Variants in RGS6 observed in about 807,000 individuals in gnomAD.
RGS6 encodes the protein regulator of G-protein signaling 6.
Under a neutral mutation model 78.5 loss-of-function variants are expected in RGS6, and 30 were observed. The observed-to-expected ratio is 0.38, with a 90% CI of 0.29 to 0.52. RGS6 has a LOEUF of 0.52. Ranked by LOEUF, RGS6 falls within the 20% of genes least tolerant of loss-of-function variation. The pLI is 0.85. For synonymous variants in RGS6, 206 were observed against 206.0 expected, an observed-to-expected ratio of 1.00 and a Z score of 0.00; for missense variants, 495 against 609.7, an observed-to-expected ratio of 0.81 and a Z score of 1.98.
chr14:72,204,420 G>T (rs1015052891), intron 2 of RGS6, among the ~76,000 whole-genome samples: 1 of 152,170 alleles, frequency 6.6e-6, no homozygotes, highest in South Asian at 2.1e-4. Flanking sequence ...TGCCATACAG[G>T]CTATGTGACC....
chr14:72,386,284 T>C (rs2087948817), intron 3 of RGS6, among the ~76,000 whole-genome samples: 3 of 152,166 alleles, frequency 2.0e-5, no homozygotes. Context: ...ACATCTGTAA[T>C]CCTAGCAATT....
At chr14:72,040,583 C>T (rs1374514394) in intron 2 of RGS6, among the ~76,000 whole-genome samples, 1 of 151,978 alleles carries the variant, frequency 6.6e-6, no homozygotes, top group Non-Finnish European at 1.5e-5. Context: ...TATAATGTGC[C>T]TCAGTTTAGG....
chr14:72,490,418 A>T (rs2072699848), intron 12 of RGS6, among the ~76,000 whole-genome samples: 1 of 152,212 alleles, frequency 6.6e-6, no homozygotes, highest in African/African-American at 2.4e-5. Context: ...GCATGAAAAC[A>T]AACTAATACA....
At chr14:72,361,074 A>G (rs995667378) in intron 3 of RGS6, among the ~76,000 whole-genome samples, 1 of 132,098 alleles carries the variant, frequency 7.6e-6, no homozygotes. Context: ...CTGTGATTCA[A>G]TCAAACCTCT....
At chr14:71,966,980 C>G (rs993414328) in intron 2 of RGS6, among the ~76,000 whole-genome samples, 3 of 151,698 alleles carry the variant, frequency 2.0e-5, no homozygotes, top group African/African-American at 7.3e-5. Flanking sequence ...ACCCAACCAC[C>G]TTTCTACTAG....
At chr14:72,513,211 G>A (rs559893598) in intron 14 of RGS6, among the ~76,000 whole-genome samples, 6 of 152,288 alleles carry the variant, frequency 3.9e-5, no homozygotes, top group South Asian at 4.1e-4. Flanking sequence ...CACAACCCAC[G>A]GGGTGCCAGT....
chr14:72,528,427 T>C (rs746664724), intron 15 of RGS6, among the ~76,000 whole-genome samples: 9 of 152,184 alleles, frequency 5.9e-5, no homozygotes, highest in Non-Finnish European at 7.3e-5. Flanking sequence ...AGGGATATGA[T>C]GCCTCCCACT....
chr14:72,439,418 G>A (rs539014195), intron 3 of RGS6, among the ~76,000 whole-genome samples: 3 of 152,232 alleles, frequency 2.0e-5, no homozygotes, highest in East Asian at 1.9e-4. Flanking sequence ...AGGGTGAAAC[G>A]AGAGGTGATG....
intron 3 of RGS6, among the ~76,000 whole-genome samples, chr14:72,416,280 A>G (rs936423309): frequency 6.6e-6 from 1 of 152,220 alleles, no homozygotes; most frequent in South Asian, 2.1e-4. Flanking sequence ...ATTTCAAGGA[A>G]CATTGATCTG....
At chr14:72,122,978 T>C (rs2096091819) in intron 2 of RGS6, among the ~76,000 whole-genome samples, 1 of 152,158 alleles carries the variant, frequency 6.6e-6, no homozygotes, top group African/African-American at 2.4e-5. Context: ...TTTGTTTTGT[T>C]TTGTTTGAGA....
chr14:72,309,328 C>A (rs1356684520), intron 2 of RGS6, among the ~76,000 whole-genome samples: 1 of 152,208 alleles, frequency 6.6e-6, no homozygotes, highest in Non-Finnish European at 1.5e-5. Flanking sequence ...GACCAGGAAA[C>A]ATGATTTGTA....
At chr14:71,945,577 A>C (rs1375228579) in intron 1 of RGS6, among the ~76,000 whole-genome samples, 1 of 152,220 alleles carries the variant, frequency 6.6e-6, no homozygotes, top group Non-Finnish European at 1.5e-5. Context: ...AAATACATTT[A>C]TATCTATTTT....
At chr14:71,941,309 A>G (rs764640344) in intron 1 of RGS6, among the ~76,000 whole-genome samples, 1 of 152,176 alleles carries the variant, frequency 6.6e-6, no homozygotes, top group Non-Finnish European at 1.5e-5. Context: ...AGTGTTTTCT[A>G]TACTATTAGA....
At chr14:72,032,808 T>C (rs1375720711) in intron 2 of RGS6, among the ~76,000 whole-genome samples, 5 of 152,234 alleles carry the variant, frequency 3.3e-5, no homozygotes, top group Admixed American at 1.3e-4. Context: ...GGCTGAATAA[T>C]ATTTTATTGC....
intron 2 of RGS6, among the ~76,000 whole-genome samples, chr14:72,266,994 T>TTTTG (rs3055057): frequency 7.9e-5 from 12 of 151,500 alleles, no homozygotes; most frequent in East Asian, 3.9e-4. Context: ...GATTGTCATA[T>TTTTG]TTTGTTTGTT....
chr14:71,905,643 C>A, the RGS6 span, among the ~76,000 whole-genome samples: 3 of 152,074 alleles, frequency 2.0e-5, no homozygotes, highest in Non-Finnish European at 4.4e-5. Context: ...GCACATGCCA[C>A]GCTGACCGGA....
chr14:72,167,569 C>T (rs932419541), intron 2 of RGS6, among the ~76,000 whole-genome samples: 2 of 152,154 alleles, frequency 1.3e-5, no homozygotes, highest in African/African-American at 4.8e-5. Flanking sequence ...TTCTACATAA[C>T]AGTTCTCTGA....
In RGS6 at chr14:72,187,585, T is replaced by C. The variant is rs540556198; in HGVS notation, c.85-164510T>C. Among the ~76,000 whole-genome samples, 259 of 152,172 alleles carry C rather than the reference T, an allele frequency of 1.7e-3. 1 individual carries two copies. The Middle Eastern group carries it at 0.027, about 16-fold the overall frequency. ...ACAGGCTTGAAATTTCAGTCAAATA[T>C]CAATCCAGCATGAAGGAGGACACCC... On this transcript the variant is annotated intron_variant, in intron 2 of 17. Transcript: ENST00000553525.
the RGS6 span, chr14:72,629,639 C>G: frequency 4.6e-6 from 7 of 1,535,690 alleles, no homozygotes; most frequent in Non-Finnish European, 6.1e-6. Flanking sequence ...TCTCTGAGGT[C>G]CCACAGAGGA....
Sources: gnomAD v4.1 joint callset for allele counts (sites outside exome capture counted in the v4.1 genomes callset) on GRCh38, gnomAD v4.1.1 for gene constraint, MANE v1.5 for transcripts, NCBI Gene and HGNC (gene_info 2026-07-23, HGNC 2026-07-21) for gene names.